Variants in KDM4C observed in about 807,000 individuals in gnomAD.
KDM4C encodes lysine-specific demethylase 4C.
A neutral mutation model predicts 129.3 loss-of-function variants in KDM4C; 81 were observed. The observed-to-expected ratio is 0.63, with a 90% CI of 0.52 to 0.75. The LOEUF (loss-of-function observed/expected upper bound fraction) is 0.75, where lower values mean the gene tolerates loss of function less well. Ranked by LOEUF, KDM4C falls within the 30% of genes least tolerant of loss-of-function variation. KDM4C has a pLI of 0.00. For synonymous variants in KDM4C, 573 were observed against 456.1 expected, an observed-to-expected ratio of 1.26 and a Z score of -3.26; for missense variants, 1,457 against 1,304.0, an observed-to-expected ratio of 1.12 and a Z score of -1.81.
Position 6,958,307 on chromosome 9 carries a change from C to T in KDM4C, c.922-22618C>T, listed in dbSNP as rs114107723. Among the ~76,000 whole-genome samples the T allele has an allele frequency of 5.8e-3, 875 of 152,056 alleles. 7 individuals carry two copies. Among genetic ancestry groups the T allele is most frequent in the African/African-American group, 0.02 (835 of 41,456 alleles). ...GATAAGAATTATATCACATTGAGGC[C>T]GGTGCGGTGGCTCACGCTTGTAATA... On this transcript the variant is annotated intron_variant, in intron 8 of 21. Transcript: ENST00000381309.
chr9:6,924,927 T>A (rs1425981725), intron 8 of KDM4C: 1 of 984,364 alleles, frequency 1.0e-6, no homozygotes, highest in Non-Finnish European at 1.2e-6. Context: ...TTAGTTCTAA[T>A]AATAATGTGT....
At chr9:7,075,435 G>C (rs1202793034) in intron 17 of KDM4C, among the ~76,000 whole-genome samples, 1 of 152,136 alleles carries the variant, frequency 6.6e-6, no homozygotes, top group Non-Finnish European at 1.5e-5. Flanking sequence ...CTCATGAATG[G>C]ATGAATGCCC....
At chr9:7,034,552 C>T (rs945316239) in intron 15 of KDM4C, among the ~76,000 whole-genome samples, 2 of 152,112 alleles carry the variant, frequency 1.3e-5, no homozygotes, top group African/African-American at 4.8e-5. Flanking sequence ...TGTATACATG[C>T]CACATTTTCT....
At chr9:6,773,225 C>G (rs932441123) in intron 1 of KDM4C, among the ~76,000 whole-genome samples, 6 of 152,098 alleles carry the variant, frequency 3.9e-5, no homozygotes, top group African/African-American at 1.4e-4. Flanking sequence ...TTATCTCGAA[C>G]TCCTGAGCTT....
intron 1 of KDM4C, among the ~76,000 whole-genome samples, chr9:6,777,339 T>G (rs115619018): frequency 1.3e-5 from 2 of 152,202 alleles, no homozygotes; most frequent in South Asian, 4.1e-4. Flanking sequence ...CAAAGCTGCT[T>G]TTGAGTGAGT....
chr9:6,940,419 G>C (rs949199344), intron 8 of KDM4C, among the ~76,000 whole-genome samples: 3 of 152,156 alleles, frequency 2.0e-5, no homozygotes. Context: ...CACTACCTTG[G>C]AGAACAAGAT....
At chr9:6,797,955 T>G (rs759638250) in intron 2 of KDM4C, among the ~76,000 whole-genome samples, 1 of 152,212 alleles carries the variant, frequency 6.6e-6, no homozygotes, top group Non-Finnish European at 1.5e-5. Flanking sequence ...CTCATTTAGA[T>G]TCACTAAACA....
chr9:6,805,150 C>T (rs62568037), intron 2 of KDM4C, among the ~76,000 whole-genome samples: 10,781 of 152,242 alleles, frequency 0.071, 557 homozygotes, highest in Non-Finnish European at 0.11. Context: ...CCGCCTGCCT[C>T]GGCCTCCCAA....
chr9:6,808,029 C>T (rs62568041), intron 3 of KDM4C, among the ~76,000 whole-genome samples: 5 of 107,098 alleles, frequency 4.7e-5, no homozygotes, highest in African/African-American at 8.6e-5. Context: ...CCGCCCCGTC[C>T]GGGAGGTGAG....
intron 19 of KDM4C, among the ~76,000 whole-genome samples, chr9:7,160,087 C>T (rs1843621483): frequency 6.6e-6 from 1 of 152,154 alleles, no homozygotes; most frequent in South Asian, 2.1e-4. Context: ...TTTTGATCTT[C>T]AATCACTGAT....
chr9:6,900,080 C>G (rs1169946724), intron 8 of KDM4C, among the ~76,000 whole-genome samples: 5 of 152,176 alleles, frequency 3.3e-5, no homozygotes, highest in Non-Finnish European at 7.3e-5. Context: ...TCAGATCGAG[C>G]TCTGGGCACT....
At chr9:6,829,213 G>T (rs190297563) in intron 4 of KDM4C, among the ~76,000 whole-genome samples, 1 of 152,344 alleles carries the variant, frequency 6.6e-6, no homozygotes, top group Non-Finnish European at 1.5e-5. Context: ...GTAAAGAGGT[G>T]AAGATTACTG....
chr9:6,939,738 A>G (rs62533833), intron 8 of KDM4C, among the ~76,000 whole-genome samples: 38,934 of 152,144 alleles, frequency 0.26, 5,431 homozygotes, highest in South Asian at 0.4. Flanking sequence ...TCCTTGTTTT[A>G]AAAGTTAAAC....
intron 8 of KDM4C, chr9:6,925,369 G>C (rs1822284476): frequency 1.0e-6 from 1 of 985,264 alleles, no homozygotes; most frequent in South Asian, 4.7e-5. Flanking sequence ...GAGAAGCTCA[G>C]TTCTCTTTGT....
intron 12 of KDM4C, among the ~76,000 whole-genome samples, chr9:7,007,758 T>C (rs886575032): frequency 2.6e-5 from 4 of 152,216 alleles, no homozygotes; most frequent in African/African-American, 9.6e-5. Flanking sequence ...TTCATTTTAT[T>C]GATATTTACT....
At chr9:6,754,677 C>G (rs1818184481), upstream of KDM4C, among the ~76,000 whole-genome samples, 1 of 151,786 alleles carries the variant, frequency 6.6e-6, no homozygotes, top group South Asian at 2.1e-4. Flanking sequence ...GAGTTTGACA[C>G]TAGCCTGGGC....
intron 17 of KDM4C, among the ~76,000 whole-genome samples, chr9:7,071,907 C>T (rs1283808151): frequency 1.3e-5 from 2 of 152,120 alleles, no homozygotes; most frequent in African/African-American, 2.4e-5. Context: ...AATATTTGCA[C>T]AACACACACT....
chr9:6,924,763 A>T, intron 8 of KDM4C: 1 of 983,698 alleles, frequency 1.0e-6, no homozygotes, highest in Non-Finnish European at 1.2e-6. Flanking sequence ...ACAAAAACTT[A>T]AAATGTTTAA....
At chr9:7,147,831 C>T (rs956730782) in intron 19 of KDM4C, among the ~76,000 whole-genome samples, 1 of 152,212 alleles carries the variant, frequency 6.6e-6, no homozygotes, top group Admixed American at 6.5e-5. Flanking sequence ...AGTAATGTCA[C>T]AGGAGCCTTA....
Sources: gnomAD v4.1 joint callset for allele counts (sites outside exome capture counted in the v4.1 genomes callset) on GRCh38, gnomAD v4.1.1 for gene constraint, MANE v1.5 for transcripts, NCBI Gene and HGNC (gene_info 2026-07-23, HGNC 2026-07-21) for gene names.